CNIH4: variants seen among roughly 807,000 people sequenced by gnomAD.
CNIH4 encodes the protein protein cornichon homolog 4.
In CNIH4, 9 loss-of-function variants were observed where a neutral mutation model predicts 21.5. The observed-to-expected ratio is 0.42, with a 90% CI of 0.25 to 0.73. CNIH4 has a LOEUF of 0.73. CNIH4 is among the 30% of genes least tolerant of loss of function. CNIH4 has a pLI of 0.27. For missense variants in CNIH4, 159 were observed against 170.0 expected (o/e 0.94, Z 0.36); for synonymous variants, 67 against 59.1 (o/e 1.13, Z -0.61).
Position 224,362,691 on chromosome 1 carries a change from C to T in CNIH4, c.138+2128C>T, listed in dbSNP as rs374343660. ...TGTATTTTTAATAGAGACAGGGTTT[C>T]ACCATGTTAGCCAGGATGGTCTTGA... On this transcript the variant is annotated intron_variant, in intron 2 of 4. Coordinates refer to ENST00000465271, the MANE Select transcript of CNIH4 (RefSeq NM_014184.4). Among the ~76,000 whole-genome samples, 5 of 151,922 alleles carry T rather than the reference C, an allele frequency of 3.3e-5. No individual in the cohort carries two copies. In the East Asian group the frequency reaches 5.8e-4, roughly 18 times the overall value.
chr1:224,359,600 T>C (rs1201466518), intron 1 of CNIH4, among the ~76,000 whole-genome samples: 1 of 152,078 alleles, frequency 6.6e-6, no homozygotes, highest in African/African-American at 2.4e-5. Context: ...TGAGACAGAG[T>C]CTCACTGTCA....
intron 4 of CNIH4, among the ~76,000 whole-genome samples, chr1:224,375,337 G>A (rs1445370595): frequency 1.3e-5 from 2 of 152,176 alleles, no homozygotes; most frequent in Non-Finnish European, 2.9e-5. Context: ...CTTCCCCAAC[G>A]AGGTGCCCTA....
At chr1:224,371,236 C>T (rs1672617576) in intron 3 of CNIH4, 47 bp from the exon 4 acceptor site, 1 of 1,573,544 alleles carries the variant, frequency 6.4e-7, no homozygotes, top group African/African-American at 1.4e-5. Flanking sequence ...ATACTTATGC[C>T]TATGATTTGA....
intron 1 of CNIH4, 81 bp from the exon 2 acceptor site, chr1:224,360,414 T>G (rs1162177954): frequency 1.4e-6 from 1 of 689,846 alleles, no homozygotes; most frequent in African/African-American, 1.9e-5. Context: ...TAATTCTGCC[T>G]TGTAACTGGG....
At chr1:224,373,618 A>G (rs1042142544) in intron 4 of CNIH4, among the ~76,000 whole-genome samples, 2 of 151,896 alleles carry the variant, frequency 1.3e-5, no homozygotes, top group East Asian at 3.9e-4. Flanking sequence ...TCACAAGGTC[A>G]GGAGTTCAAG....
chr1:224,375,661 T>C, intron 4 of CNIH4, 134 bp from the exon 5 acceptor site: 2 of 912,446 alleles, frequency 2.2e-6, no homozygotes, highest in South Asian at 2.0e-5. Context: ...ATTCTTTCCT[T>C]TGGGTATGAA....
At chr1:224,362,035 C>T (rs577350879) in intron 2 of CNIH4, among the ~76,000 whole-genome samples, 1 of 151,992 alleles carries the variant, frequency 6.6e-6, no homozygotes, top group African/African-American at 2.4e-5. Context: ...TAAAGACACC[C>T]CTTGGTGGTC....
chr1:224,361,317 C>T (rs1387792784), intron 2 of CNIH4, among the ~76,000 whole-genome samples: 2 of 151,878 alleles, frequency 1.3e-5, no homozygotes, highest in Non-Finnish European at 2.9e-5. Flanking sequence ...GGGGTTTCAC[C>T]ATGTTGGCCA....
At chr1:224,365,797 G>A (rs191005062) in intron 2 of CNIH4, 82 bp from the exon 3 acceptor site, 34 of 878,412 alleles carry the variant, frequency 3.9e-5, no homozygotes, top group Non-Finnish European at 6.0e-5. Flanking sequence ...TTCTCTGTAC[G>A]TTCATTGATT....
chr1:224,357,730 T>A (rs947914372), intron 1 of CNIH4: 6 of 152,206 alleles, frequency 3.9e-5, no homozygotes, highest in African/African-American at 1.4e-4. Flanking sequence ...CCCAATCGTT[T>A]CTCAGCTTTT....
At position 224,376,247 on chromosome 1, in the gene CNIH4, A is replaced by AATT; in HGVS notation, c.*427_*429dup. ...CTGTTGATCTGGACAAAAGAAGAAA[A>AATT]ATTACCCTTTTTGCTTGTGTTGTGA... On this transcript the variant is annotated 3_prime_UTR_variant, in exon 5 of 5. Transcript: ENST00000465271. 1 of 988,804 alleles carries AATT rather than the reference A, an allele frequency of 1.0e-6. No homozygotes were observed. The highest frequency in any genetic ancestry group is 1.2e-6 in the Non-Finnish European group (1 of 832,298). 61.3% of individuals were successfully genotyped at this position (988,804 alleles called of 1,614,324 possible). A position where few individuals can be genotyped will look rare whatever the true frequency, so the allele number is the denominator to read the frequency against.
intron 3 of CNIH4, among the ~76,000 whole-genome samples, chr1:224,370,308 C>A (rs555217995): frequency 2.0e-5 from 3 of 152,136 alleles, no homozygotes; most frequent in Non-Finnish European, 2.9e-5. Flanking sequence ...ACCCTCTATT[C>A]AGCTATAGTC....
intron 2 of CNIH4, among the ~76,000 whole-genome samples, chr1:224,363,468 T>C (rs1672359255): frequency 6.6e-6 from 1 of 152,210 alleles, no homozygotes; most frequent in African/African-American, 2.4e-5. Context: ...TATTTTTCTA[T>C]TTTTTATTAA....
intron 2 of CNIH4, chr1:224,364,006 G>GCATAT (rs1672376644): frequency 1.0e-6 from 1 of 971,834 alleles, no homozygotes; most frequent in Admixed American, 6.2e-5. Flanking sequence ...TCGGGGAAGG[G>GCATAT]CATATCGTTA....
In CNIH4 at chr1:224,379,220, C is replaced by G; in HGVS notation, c.*3398C>G. 1.1e-6 allele frequency: 1 copy of G among 936,502 alleles called. No individual in the cohort carries two copies. Among genetic ancestry groups the G allele is most frequent in the East Asian group, 2.6e-5 (1 of 37,964 alleles). The allele number at this position is 936,502 out of a possible 1,614,324, so 58.0% of individuals were successfully genotyped here. A position where few individuals can be genotyped will look rare whatever the true frequency, so the allele number is the denominator to read the frequency against. ...AGACTACAGTAGGACAAAACCTGAC[C>G]TGGTCTTTGAAGTTAAGAGCTAAGA... is the stretch of plus-strand genomic sequence containing the variant. On this transcript the variant is annotated 3_prime_UTR_variant, in exon 5 of 5. Coordinates refer to ENST00000465271, the MANE Select transcript of CNIH4 (RefSeq NM_014184.4).
intron 3 of CNIH4, among the ~76,000 whole-genome samples, chr1:224,369,763 G>A (rs1572130639): frequency 6.8e-6 from 1 of 146,424 alleles, no homozygotes; most frequent in African/African-American, 2.5e-5. Flanking sequence ...TGCAACCTCC[G>A]TCTCCCGGGT....
chr1:224,364,234 A>G, intron 2 of CNIH4: 1 of 907,104 alleles, frequency 1.1e-6, no homozygotes, highest in Non-Finnish European at 1.3e-6. Context: ...CAAAAATAAA[A>G]CAAGAGGAAA....
At chr1:224,373,565 C>T (rs927477654) in intron 4 of CNIH4, among the ~76,000 whole-genome samples, 9 of 150,832 alleles carry the variant, frequency 6.0e-5, no homozygotes, top group Admixed American at 4.0e-4. Context: ...CTCGGTGGCT[C>T]ATGCCTGTAA....
intron 1 of CNIH4, 120 bp downstream of exon 1, chr1:224,357,113 T>A (rs542472892): frequency 2.6e-6 from 3 of 1,173,708 alleles, no homozygotes; most frequent in East Asian, 5.1e-5. Context: ...GTGGGCTCCC[T>A]GGGAGCTGGC....
Sources: gnomAD v4.1 joint callset for allele counts (sites outside exome capture counted in the v4.1 genomes callset) on GRCh38, gnomAD v4.1.1 for gene constraint, MANE v1.5 for transcripts, NCBI Gene and HGNC (gene_info 2026-07-23, HGNC 2026-07-21) for gene names.